RASIP1: variants seen among roughly 807,000 people sequenced by gnomAD.
RASIP1 encodes Ras interacting protein 1.
Under a neutral mutation model 85.3 loss-of-function variants are expected in RASIP1, and 20 were observed. The observed-to-expected ratio is 0.23, with a 90% CI of 0.17 to 0.34. The LOEUF (loss-of-function observed/expected upper bound fraction) is 0.34. Ranked by LOEUF, RASIP1 falls within the 10% of genes least tolerant of loss-of-function variation. RASIP1 has a pLI of 1.00. For synonymous variants in RASIP1, 617 were observed against 647.1 expected, an observed-to-expected ratio of 0.95 and a Z score of 0.71; for missense variants, 1,170 against 1,390.9, an observed-to-expected ratio of 0.84 and a Z score of 2.53.
At position 48,724,725 on chromosome 19, in the gene RASIP1, A is replaced by G; in HGVS notation, c.2363T>C (p.Met788Thr). Reference protein sequence around the residue: ...FSNASLLNSLMERGQGRPFYQ... With the variant: ...FSNASLLNSLTERGQGRPFYQ... ...TCCCAGCCAACCTTCACCTCGTTCC[A>G]TCAGCGAGTTGAGAAGGGATGCGTT... is the stretch of plus-strand genomic sequence containing the variant. The change falls in exon 9 of 12, where the codon ATG becomes ACG. Residue 788 changes from methionine to threonine, a missense_variant. Around this residue, in one of 4 missense-constraint regions of RASIP1, gnomAD observed 426 missense variants for 576.2 expected, o/e 0.74. Coordinates refer to ENST00000222145, the MANE Select transcript of RASIP1 (RefSeq NM_017805.3). The surrounding 1 kb of genome is among the most constrained non-coding windows in gnomAD (Gnocchi z 4.6). 2 of 1,614,140 alleles carry G rather than the reference A, an allele frequency of 1.2e-6. No homozygotes were observed. The highest frequency in any genetic ancestry group is 1.1e-5 in the South Asian group (1 of 91,070).
intron 7 of RASIP1, 45 bp downstream of exon 7, chr19:48,726,962 C>A (rs2122432547): frequency 6.2e-7 from 1 of 1,612,376 alleles, no homozygotes; most frequent in East Asian, 2.2e-5. Flanking sequence ...AGGTGCAGGG[C>A]ATGATGGGAG....
intron 3 of RASIP1, chr19:48,737,723 A>T: frequency 2.0e-6 from 2 of 985,044 alleles, no homozygotes; most frequent in Non-Finnish European, 2.4e-6. Flanking sequence ...CTCCTACCAC[A>T]GAGACCCATG....
chr19:48,721,625 A>AC (rs2033246725), intron 11 of RASIP1, among the ~76,000 whole-genome samples: 2 of 152,206 alleles, frequency 1.3e-5, no homozygotes, highest in South Asian at 2.1e-4. Context: ...ACACGGTGAA[A>AC]CCCCCGTCTC....
intron 11 of RASIP1, among the ~76,000 whole-genome samples, chr19:48,721,314 T>C (rs1280926892): frequency 1.3e-5 from 2 of 151,646 alleles, no homozygotes; most frequent in East Asian, 1.9e-4. Context: ...CCTGGACTCC[T>C]AGGGGTGGTG....
chr19:48,737,890 G>A (rs55703730), intron 3 of RASIP1: 11,315 of 982,858 alleles, frequency 0.012, 70 homozygotes, highest in Admixed American at 0.015. Context: ...TTACTCTTCC[G>A]GCTCCTAGGT....
At chr19:48,736,137 C>T (rs997520310) in intron 3 of RASIP1, among the ~76,000 whole-genome samples, 8 of 150,818 alleles carry the variant, frequency 5.3e-5, no homozygotes, top group Non-Finnish European at 8.9e-5. Flanking sequence ...GTATTTAGGC[C>T]GGGTGCGGTG....
rs2033604316 is a variant in RASIP1, at chr19:48,738,036, C to T, written c.823+924G>A. 1 of 763,448 alleles carries T rather than the reference C, an allele frequency of 1.3e-6. No homozygotes were observed. The highest frequency in any genetic ancestry group is 1.6e-6 in the Non-Finnish European group (1 of 627,846). The allele number at this position is 763,448 out of a possible 1,614,324, so 47.3% of individuals were successfully genotyped here. On this transcript the variant is annotated intron_variant, in intron 3 of 11. Coordinates refer to ENST00000222145, the MANE Select transcript of RASIP1 (RefSeq NM_017805.3). This position sits in a 1 kb window ranked among gnomAD's most constrained non-coding sequence, Gnocchi z 4.0. ...CTTGGCTCACTGCAGCCTCTGCCTCCTGGGTTCAAATTATTCTCATGTCTC... is the reference window on the plus strand; with the variant it reads ...CTTGGCTCACTGCAGCCTCTGCCTCTTGGGTTCAAATTATTCTCATGTCTC...
Position 48,738,881 on chromosome 19 carries a change from A to AT in RASIP1, c.823+78_823+79insA. On this transcript the variant is annotated intron_variant, in intron 3 of 11. Transcript: ENST00000222145. This position sits in a 1 kb window ranked among gnomAD's most constrained non-coding sequence, Gnocchi z 4.0. ...CCCCAGCCAGCCCGCGAGTCCCACA[A>AT]GCCCCGCCCAGGCCCCGCCCCACGG... The AT allele has an allele frequency of 9.0e-7, 1 of 1,106,340 alleles. No individual in the cohort carries two copies. The highest frequency in any genetic ancestry group is 1.7e-5 in the African/African-American group (1 of 59,942). The allele number at this position is 1,106,340 out of a possible 1,614,324, so 68.5% of individuals were successfully genotyped here. A position where few individuals can be genotyped will look rare whatever the true frequency, so the allele number is the denominator to read the frequency against.
In RASIP1 at chr19:48,738,943, C is replaced by CCCCG; in HGVS notation, c.823+13_823+16dup. 1 of 1,208,310 alleles carries CCCCG rather than the reference C, an allele frequency of 8.3e-7. No individual in the cohort carries two copies. Among genetic ancestry groups the CCCCG allele is most frequent in the Non-Finnish European group, 1.0e-6 (1 of 973,602 alleles). The allele number at this position is 1,208,310 out of a possible 1,614,324, so 74.8% of individuals were successfully genotyped here. On this transcript the variant is annotated intron_variant, in intron 3 of 11. Coordinates refer to ENST00000222145, the MANE Select transcript of RASIP1 (RefSeq NM_017805.3). This position sits in a 1 kb window ranked among gnomAD's most constrained non-coding sequence, Gnocchi z 4.0. ...CTGGCACCGAGTCCCCGCCCCAGAGCCCCGCCCGCCGCTCACCTTCGCTGT... is the reference window on the plus strand; with the variant it reads ...CTGGCACCGAGTCCCCGCCCCAGAGCCCCGCCCGCCCGCCGCTCACCTTCGCTGT...
intron 3 of RASIP1, chr19:48,737,796 A>G: frequency 1.0e-6 from 1 of 983,492 alleles, no homozygotes; most frequent in Non-Finnish European, 1.2e-6. Flanking sequence ...ACGCTTTTCC[A>G]CAAGCCCCGC....
intron 3 of RASIP1, chr19:48,737,617 A>G: frequency 1.0e-6 from 1 of 985,230 alleles, no homozygotes; most frequent in Non-Finnish European, 1.2e-6. Context: ...TGATCTAGGA[A>G]CCTGTATTCA....
chr19:48,729,127 C>G lies in RASIP1; in HGVS notation c.1643G>C (p.Arg548Pro). ...CAGCAGCGCCTCCTCCTCGCGCGGC[C>G]GGAAGCGCAGGACTGGCTCACGGCC... ...LDGREPVLRF[R>P]PREEEALLGE... is the part of the protein sequence containing the mutation. The change falls in exon 5 of 12, where the codon CGG becomes CCG. Residue 548 changes from arginine to proline, a missense_variant. Arg to Pro is a moderately radical substitution (Grantham distance 103). Transcript: ENST00000222145. 2 of 1,362,196 alleles carry G rather than the reference C, an allele frequency of 1.5e-6. No homozygotes were observed. The highest frequency in any genetic ancestry group is 9.4e-7 in the Non-Finnish European group (1 of 1,060,848). 84.4% of individuals were successfully genotyped at this position (1,362,196 alleles called of 1,614,324 possible). A position where few individuals can be genotyped will look rare whatever the true frequency, so the allele number is the denominator to read the frequency against.
rs2033315008 is a variant in RASIP1 at position 48,724,886 on chromosome 19, G to GCCAGGCCCCGGCAGCTCTGCA, written c.2181_2201dup (p.Pro731_Leu737dup). On this transcript the variant is annotated inframe_insertion, in exon 9 of 12. Transcript: ENST00000222145. The surrounding 1 kb of genome is among the most constrained non-coding windows in gnomAD (Gnocchi z 4.6). ...CTGGAGGCATGGCCCCCAGCTCCGCGCCAGGCCCCGGCAGCTCTGCACCAG... is the reference window on the plus strand; with the variant it reads ...CTGGAGGCATGGCCCCCAGCTCCGCGCCAGGCCCCGGCAGCTCTGCACCAGGCCCCGGCAGCTCTGCACCAG... 2 of 1,614,260 alleles carry GCCAGGCCCCGGCAGCTCTGCA rather than the reference G, an allele frequency of 1.2e-6. No individual in the cohort carries two copies. Among genetic ancestry groups the GCCAGGCCCCGGCAGCTCTGCA allele is most frequent in the South Asian group, 2.2e-5 (2 of 91,088 alleles).
At chr19:48,728,327 G>A (rs548393707) in intron 5 of RASIP1, among the ~76,000 whole-genome samples, 3 of 152,222 alleles carry the variant, frequency 2.0e-5, no homozygotes, top group Non-Finnish European at 4.4e-5. Context: ...TCATCCAGTG[G>A]GATCTCTCCC....
rs984848859 is a variant in RASIP1 at position 48,739,409 on chromosome 19, G to A, written c.374C>T (p.Pro125Leu). ...GGGGGCCACGCCCGCCGCCAGCTCC[G>A]GCAGCTTCTTCTCGCTGGCCCAGCG... Reference protein sequence around the residue: ...AQRWASEKKLPELAAGVAPEP... With the variant: ...AQRWASEKKLLELAAGVAPEP... Residue 125 changes from proline to leucine, a missense_variant, in exon 3 of 12, where the codon CCG becomes CTG. Physicochemically the swap from Pro to Leu is moderately conservative, Grantham distance 98 (BLOSUM62 -3). Coordinates refer to ENST00000222145, the MANE Select transcript of RASIP1 (RefSeq NM_017805.3). This position sits in a 1 kb window ranked among gnomAD's most constrained non-coding sequence, Gnocchi z 9.2. 3 of 1,375,424 alleles carry A rather than the reference G, an allele frequency of 2.2e-6. No homozygotes were observed. Among genetic ancestry groups the A allele is most frequent in the Middle Eastern group, 2.5e-4 (1 of 4,020 alleles). 85.2% of individuals were successfully genotyped at this position (1,375,424 alleles called of 1,614,324 possible).
At chr19:48,721,142 A>C in intron 11 of RASIP1, 145 bp from the exon 12 acceptor site, 1 of 662,416 alleles carries the variant, frequency 1.5e-6, no homozygotes, top group East Asian at 2.8e-5. Flanking sequence ...TTCACACGCT[A>C]CTCTAGGAGC....
In RASIP1 at chr19:48,729,143, G is replaced by A. The variant is rs890885928; in HGVS notation, c.1627C>T (p.Pro543Ser). Residue 543 changes from proline to serine, a missense_variant, in exon 5 of 12, where the codon CCA becomes TCA. Around this residue, in one of 4 missense-constraint regions of RASIP1, gnomAD observed 426 missense variants for 576.2 expected, o/e 0.74. Transcript: ENST00000222145. ...ALAAYLDGREPVLRFRPREEE... is the reference protein window; with the variant it reads ...ALAAYLDGRESVLRFRPREEE... ...TCGCGCGGCCGGAAGCGCAGGACTG[G>A]CTCACGGCCGTCCAGGTAGGCGGCC... 8.2e-6 allele frequency: 11 copies of A among 1,335,146 alleles called. No homozygotes were observed. The highest frequency in any genetic ancestry group is 1.1e-5 in the Non-Finnish European group (11 of 1,042,592). The allele number at this position is 1,335,146 out of a possible 1,614,324, so 82.7% of individuals were successfully genotyped here.
Position 48,740,245 on chromosome 19 carries a change from C to A in RASIP1, c.38G>T (p.Arg13Leu). The A allele has an allele frequency of 6.3e-7, 1 of 1,584,734 alleles. No individual in the cohort carries two copies. The highest frequency in any genetic ancestry group is 8.6e-7 in the Non-Finnish European group (1 of 1,169,374). Residue 13 changes from arginine to leucine, a missense_variant, in exon 2 of 12, where the codon CGC (arginine) becomes CTC (leucine). Coordinates refer to ENST00000222145, the MANE Select transcript of RASIP1 (RefSeq NM_017805.3). This position sits in a 1 kb window ranked among gnomAD's most constrained non-coding sequence, Gnocchi z 5.5. Reference protein sequence around the residue: ...SGERKEGGSPRFGKLHLPVGL... With the variant: ...SGERKEGGSPLFGKLHLPVGL... ...CACGGGGAGATGAAGCTTCCCGAAG[C>A]GGGGGCTTCCGCCCTCCTTCCGTTC...
chr19:48,735,622 A>C (rs2033556298), intron 3 of RASIP1, 71 bp from the exon 4 acceptor site: 1 of 1,392,064 alleles, frequency 7.2e-7, no homozygotes, highest in African/African-American at 1.5e-5. Flanking sequence ...GCAGATTATG[A>C]GACAAAGAAC....
Sources: allele counts gnomAD v4.1 joint callset (sites outside exome capture counted in the v4.1 genomes callset), GRCh38; gene constraint gnomAD v4.1.1; regional missense constraint gnomAD v4.1.1; non-coding constraint Gnocchi (gnomAD v3.1); transcripts MANE v1.5; gene names NCBI Gene and HGNC (gene_info 2026-07-23, HGNC 2026-07-21).